The following SORCS3 variants were observed in gnomAD, a reference collection of about 807,000 sequenced individuals.
SORCS3 encodes VPS10 domain-containing receptor SorCS3.
SORCS3 carries 57 observed loss-of-function variants against 146.3 expected under a neutral mutation model. The ratio of observed to expected loss-of-function variants is 0.39; its 90% CI spans 0.31 to 0.49. The LOEUF (loss-of-function observed/expected upper bound fraction) is 0.49, where lower values mean the gene tolerates loss of function less well. Ranked by LOEUF, SORCS3 falls within the 20% of genes least tolerant of loss-of-function variation. The probability of loss-of-function intolerance (pLI) is 0.92; values close to 1 mark genes in which losing one functional copy is unlikely to be tolerated. For synonymous variants in SORCS3, 653 were observed against 618.5 expected, an observed-to-expected ratio of 1.06 and a Z score of -0.83; for missense variants, 1,341 against 1,575.5, an observed-to-expected ratio of 0.85 and a Z score of 2.52.
At chr10:105,185,662 C>G (rs2056470975) in intron 14 of SORCS3, among the ~76,000 whole-genome samples, 1 of 152,110 alleles carries the variant, frequency 6.6e-6, no homozygotes, top group Non-Finnish European at 1.5e-5. Context: ...GTGTACCCAC[C>G]ACCTGAAATT....
At chr10:105,007,944 T>C (rs573820192) in intron 4 of SORCS3, among the ~76,000 whole-genome samples, 60 of 152,152 alleles carry the variant, frequency 3.9e-4, no homozygotes, top group African/African-American at 1.2e-3. Context: ...ACTGGACTTA[T>C]CACAATAAAG....
chr10:105,176,534 C>T (rs966035377), intron 13 of SORCS3, among the ~76,000 whole-genome samples: 12 of 151,780 alleles, frequency 7.9e-5, no homozygotes, highest in Non-Finnish European at 1.5e-4. Flanking sequence ...GCCTGAGCAA[C>T]AGAGTGAGAC....
intron 5 of SORCS3, among the ~76,000 whole-genome samples, chr10:105,087,304 A>G (rs1237306216): frequency 6.6e-6 from 1 of 152,180 alleles, no homozygotes; most frequent in Non-Finnish European, 1.5e-5. Context: ...TTTAGGTACC[A>G]GTAGCATGTT....
rs143604118 is a variant in SORCS3, at chr10:104,985,733, A to C, written c.954+8240A>C. The stretch of plus-strand genomic sequence containing the variant: ...TGTGTTAACAGTCATGAAAATAACA[A>C]TCTATTTGTAAATCTCCATCAGAGC... On this transcript the variant is annotated intron_variant, in intron 4 of 26. Coordinates refer to ENST00000369701, the MANE Select transcript of SORCS3 (RefSeq NM_014978.3). Among the ~76,000 whole-genome samples the C allele has an allele frequency of 2.5e-3, 388 of 152,328 alleles. 2 individuals carry two copies. The highest frequency in any genetic ancestry group is 0.014 in the Middle Eastern group (4 of 294).
intron 20 of SORCS3, among the ~76,000 whole-genome samples, chr10:105,231,934 G>T (rs2056768367): frequency 6.6e-6 from 1 of 151,988 alleles, no homozygotes; most frequent in Non-Finnish European, 1.5e-5. Context: ...TTGCATCTTT[G>T]TTCCTGAGAA....
At chr10:104,936,563 C>T (rs2019262779) in intron 3 of SORCS3, among the ~76,000 whole-genome samples, 1 of 152,130 alleles carries the variant, frequency 6.6e-6, no homozygotes, top group East Asian at 1.9e-4. Context: ...TCGATTTGGG[C>T]ATGCTGAGTT....
chr10:105,103,660 G>A (rs1457626211), intron 6 of SORCS3, among the ~76,000 whole-genome samples: 1 of 152,196 alleles, frequency 6.6e-6, no homozygotes, highest in Non-Finnish European at 1.5e-5. Context: ...AGAAAGAAAA[G>A]TTTAGAGGCT....
rs71473534 is a variant in SORCS3 at position 104,727,839 on chromosome 10, C to T, written c.627+85885C>T. On this transcript the variant is annotated intron_variant, in intron 1 of 26. Transcript: ENST00000369701. ...AGCATGAACCTTACTGTGAACTGTG[C>T]AGGCAAGGGATCTAGGTTGCATCCT... 4.5e-3 allele frequency among the ~76,000 whole-genome samples: 690 copies of T among 152,172 alleles called. 7 individuals are homozygous for T. The highest frequency in any genetic ancestry group is 6.7e-3 in the Non-Finnish European group (455 of 68,016).
At chr10:105,057,521 C>A (rs181784980) in intron 5 of SORCS3, among the ~76,000 whole-genome samples, 48 of 152,210 alleles carry the variant, frequency 3.2e-4, no homozygotes, top group Admixed American at 1.7e-3. Context: ...TAGGAGGATG[C>A]CACCTGGTGA....
At chr10:105,117,572 A>T (rs185449612) in intron 7 of SORCS3, among the ~76,000 whole-genome samples, 1 of 152,268 alleles carries the variant, frequency 6.6e-6, no homozygotes, top group African/African-American at 2.4e-5. Context: ...TCAATATTTA[A>T]ATATTTTTAA....
At chr10:104,834,865 A>T (rs1390164301) in intron 1 of SORCS3, among the ~76,000 whole-genome samples, 1 of 151,568 alleles carries the variant, frequency 6.6e-6, no homozygotes, top group Non-Finnish European at 1.5e-5. Context: ...AATGTAGTAC[A>T]CCCCAACACA....
intron 1 of SORCS3, among the ~76,000 whole-genome samples, chr10:104,752,209 T>C (rs2133469627): frequency 6.6e-6 from 1 of 151,666 alleles, no homozygotes; most frequent in Admixed American, 6.6e-5. Flanking sequence ...ATTTTTTTTG[T>C]ATTTTTAGTA....
chr10:104,872,404 G>A (rs1029511359), intron 2 of SORCS3, among the ~76,000 whole-genome samples: 10 of 151,948 alleles, frequency 6.6e-5, no homozygotes. Context: ...GAAGTCTTTG[G>A]CCCAGGGAAG....
chr10:105,009,913 A>G (rs2055123168), intron 4 of SORCS3, among the ~76,000 whole-genome samples: 1 of 152,162 alleles, frequency 6.6e-6, no homozygotes. Flanking sequence ...AAACATAGAA[A>G]GACTTAGAAT....
intron 1 of SORCS3, among the ~76,000 whole-genome samples, chr10:104,646,651 C>T (rs553114362): frequency 2.6e-5 from 4 of 152,180 alleles, no homozygotes; most frequent in Non-Finnish European, 5.9e-5. Context: ...GTTGATTTCC[C>T]GCTTTCTGCC....
At chr10:104,850,517 C>G (rs564315441) in intron 2 of SORCS3, among the ~76,000 whole-genome samples, 1 of 152,074 alleles carries the variant, frequency 6.6e-6, no homozygotes, top group African/African-American at 2.4e-5. Context: ...CTCAGGAGGT[C>G]GAGGCTACAG....
At chr10:104,832,805 A>G (rs571783195) in intron 1 of SORCS3, among the ~76,000 whole-genome samples, 1 of 152,356 alleles carries the variant, frequency 6.6e-6, no homozygotes, top group South Asian at 2.1e-4. Flanking sequence ...TTGGGAAGCA[A>G]TACTTCTCTG....
rs1186082602 is a variant in SORCS3, at chr10:104,940,238, AT to A, written c.795+24323del. Among the ~76,000 whole-genome samples, 217 of 31,448 alleles carry A rather than the reference AT, an allele frequency of 6.9e-3. 3 individuals carry two copies. The highest frequency in any genetic ancestry group is 0.023 in the Middle Eastern group (1 of 44). The allele number at this position is 31,448 out of a possible 152,430, so 20.6% of individuals were successfully genotyped here. On this transcript the variant is annotated intron_variant, in intron 3 of 26. Transcript: ENST00000369701. Reference sequence around the variant, plus strand: ...TATATATATATATATATATATATATATTTTTTTTTTTTTTTTTATTATACTT... The same window carrying A: ...TATATATATATATATATATATATATATTTTTTTTTTTTTTTTATTATACTT...
intron 1 of SORCS3, among the ~76,000 whole-genome samples, chr10:104,731,138 C>T (rs994986497): frequency 6.6e-5 from 10 of 152,166 alleles, no homozygotes; most frequent in African/African-American, 2.4e-4. Flanking sequence ...CTGGTGTCTC[C>T]GCTGAGCCCG....
Sources: allele counts gnomAD v4.1 joint callset (sites outside exome capture counted in the v4.1 genomes callset), GRCh38; gene constraint gnomAD v4.1.1; transcripts MANE v1.5; gene names NCBI Gene and HGNC (gene_info 2026-07-23, HGNC 2026-07-21).